The following KIAA1217 variants were observed in gnomAD, a reference collection of about 807,000 sequenced individuals.
KIAA1217 encodes the protein KIAA1217.
A neutral mutation model predicts 163.9 loss-of-function variants in KIAA1217; 88 were observed. That is an observed-to-expected ratio of 0.54 (90% CI 0.45 to 0.64). The LOEUF (loss-of-function observed/expected upper bound fraction) is 0.64. KIAA1217 is among the 30% of genes least tolerant of loss of function. The pLI is 0.00. For synonymous variants in KIAA1217, 903 were observed against 923.1 expected, an observed-to-expected ratio of 0.98 and a Z score of 0.39; for missense variants, 2,372 against 2,475.0, an observed-to-expected ratio of 0.96 and a Z score of 0.88.
At chr10:24,363,570 T>TC (rs1334654042) in intron 2 of KIAA1217, among the ~76,000 whole-genome samples, 1 of 149,956 alleles carries the variant, frequency 6.7e-6, no homozygotes, top group East Asian at 2.0e-4. Context: ...TGTTTTTGTT[T>TC]TTTTTTTTTT....
intron 2 of KIAA1217, among the ~76,000 whole-genome samples, chr10:24,329,108 A>G (rs2045327329): frequency 1.4e-5 from 2 of 148,102 alleles, no homozygotes; most frequent in Non-Finnish European, 3.0e-5. Flanking sequence ...TAATTAGTAT[A>G]TAATTATACT....
intron 1 of KIAA1217, among the ~76,000 whole-genome samples, chr10:23,951,250 AG>A (rs773943245): frequency 2.5e-4 from 38 of 152,162 alleles, no homozygotes; most frequent in Non-Finnish European, 5.0e-4. Flanking sequence ...GGAAATAAGA[AG>A]AACAAGGCTG....
intron 2 of KIAA1217, among the ~76,000 whole-genome samples, chr10:24,072,722 A>G (rs569182519): frequency 2.6e-5 from 4 of 152,290 alleles, no homozygotes; most frequent in African/African-American, 9.6e-5. Context: ...CCTTTGAAGA[A>G]TGTTGAGAAA....
At chr10:23,748,363 C>T (rs1839523975) in intron 1 of KIAA1217, among the ~76,000 whole-genome samples, 2 of 151,572 alleles carry the variant, frequency 1.3e-5, no homozygotes, top group South Asian at 4.2e-4. Flanking sequence ...GCAGGAACCC[C>T]ATGTGATTTG....
rs192389559 is a variant in KIAA1217 at position 23,777,357 on chromosome 10, T to C, written c.-321+82123T>C. Among the ~76,000 whole-genome samples the C allele has an allele frequency of 1.3e-5, 2 of 152,346 alleles. 1 individual carries two copies. Among genetic ancestry groups the C allele is most frequent in the East Asian group, 3.9e-4 (2 of 5,186 alleles). On this transcript the variant is annotated intron_variant, in intron 1 of 18. Coordinates refer to the KIAA1217 transcript ENST00000376462. ...CCAGTTTAAAAGAGTATATTTAACA[T>C]TCCATCTTAGACAATGCAAAAGTCA... is the stretch of plus-strand genomic sequence containing the variant.
chr10:24,109,994 T>A (rs1202138420), intron 2 of KIAA1217, among the ~76,000 whole-genome samples: 2 of 152,202 alleles, frequency 1.3e-5, no homozygotes, highest in Admixed American at 1.3e-4. Flanking sequence ...GCCTCCCAAG[T>A]AGTTGGGACT....
chr10:24,310,764 A>G (rs2042595711), intron 2 of KIAA1217, among the ~76,000 whole-genome samples: 1 of 152,138 alleles, frequency 6.6e-6, no homozygotes, highest in South Asian at 2.1e-4. Flanking sequence ...TAGGTGGCCG[A>G]GGCACGTGGA....
At chr10:23,806,150 T>C (rs1282739580) in intron 1 of KIAA1217, among the ~76,000 whole-genome samples, 1 of 152,016 alleles carries the variant, frequency 6.6e-6, no homozygotes, top group African/African-American at 2.4e-5. Flanking sequence ...TCCTTAGATA[T>C]TGAGGGATGT....
At chr10:24,076,380 T>C (rs1047639685) in intron 2 of KIAA1217, among the ~76,000 whole-genome samples, 26 of 152,214 alleles carry the variant, frequency 1.7e-4, no homozygotes, top group African/African-American at 6.3e-4. Context: ...CAGACATCTT[T>C]GCATTGTGGC....
chr10:24,275,410 C>T (rs1413143335), intron 2 of KIAA1217, among the ~76,000 whole-genome samples: 1 of 152,214 alleles, frequency 6.6e-6, no homozygotes, highest in Non-Finnish European at 1.5e-5. Context: ...TGCTTCCTTA[C>T]AGTATGAAAA....
chr10:23,778,723 C>T (rs1395756682), intron 1 of KIAA1217, among the ~76,000 whole-genome samples: 1 of 152,176 alleles, frequency 6.6e-6, no homozygotes, highest in East Asian at 1.9e-4. Flanking sequence ...TGGATTGTCA[C>T]TAGAGATAGC....
intron 2 of KIAA1217, among the ~76,000 whole-genome samples, chr10:24,030,048 G>A (rs774493951): frequency 1.1e-4 from 17 of 152,166 alleles, no homozygotes; most frequent in Non-Finnish European, 1.6e-4. Flanking sequence ...GCTAGACAGA[G>A]AGAGAGTGGG....
At chr10:24,156,060 G>A (rs189556620) in intron 2 of KIAA1217, among the ~76,000 whole-genome samples, 33 of 152,204 alleles carry the variant, frequency 2.2e-4, no homozygotes, top group South Asian at 4.1e-4. Flanking sequence ...AAACCTCAAC[G>A]TATGTATATA....
At chr10:24,251,127 G>A (rs1403703031) in intron 2 of KIAA1217, among the ~76,000 whole-genome samples, 2 of 152,040 alleles carry the variant, frequency 1.3e-5, no homozygotes, top group Non-Finnish European at 2.9e-5. Flanking sequence ...TCAGGAGGCT[G>A]AGGCATGAGA....
intron 1 of KIAA1217, among the ~76,000 whole-genome samples, chr10:23,850,913 C>T (rs1002410230): frequency 1.3e-5 from 2 of 152,022 alleles, no homozygotes; most frequent in East Asian, 1.9e-4. Flanking sequence ...AACCACGTCT[C>T]GTGAGAACTC....
chr10:23,997,017 A>G (rs1846518548), intron 1 of KIAA1217, among the ~76,000 whole-genome samples: 1 of 152,246 alleles, frequency 6.6e-6, no homozygotes, highest in South Asian at 2.1e-4. Flanking sequence ...TTAGAAGCCC[A>G]GGATGACTTG....
chr10:24,114,458 C>G (rs1589549796), intron 2 of KIAA1217, among the ~76,000 whole-genome samples: 2 of 152,138 alleles, frequency 1.3e-5, no homozygotes, highest in East Asian at 3.9e-4. Context: ...CTTACAGACC[C>G]CCCCTGTTGC....
chr10:24,367,649 A>G (rs1426502258), intron 2 of KIAA1217, among the ~76,000 whole-genome samples: 1 of 152,228 alleles, frequency 6.6e-6, no homozygotes, highest in Non-Finnish European at 1.5e-5. Flanking sequence ...TGCTTTGCTC[A>G]GTTCCAATGT....
rs540538312 is a variant in KIAA1217 at position 23,930,413 on chromosome 10, C to T, written c.-320-76812C>T. Among the ~76,000 whole-genome samples, 39 of 152,138 alleles carry T rather than the reference C, an allele frequency of 2.6e-4. 1 individual carries two copies. The highest frequency in any genetic ancestry group is 2.0e-3 in the Admixed American group (30 of 15,266). On this transcript the variant is annotated intron_variant, in intron 1 of 18. Coordinates refer to the KIAA1217 transcript ENST00000376462. ...AAGCTAAAAAATTGTCGAAAGTCCT[C>T]ATGAAGGGTGGTGGTGCTTCCAAAG... is the stretch of plus-strand genomic sequence containing the variant.
Sources: allele counts gnomAD v4.1 joint callset (sites outside exome capture counted in the v4.1 genomes callset), GRCh38; gene constraint gnomAD v4.1.1; transcripts MANE v1.5; gene names NCBI Gene and HGNC (gene_info 2026-07-23, HGNC 2026-07-21).